Variants in USP9Y observed in about 807,000 individuals in gnomAD.
USP9Y encodes the protein ubiquitin specific peptidase 9 Y-linked.
In USP9Y, 41 loss-of-function variants were observed where a neutral mutation model predicts 53.1. The ratio of observed to expected loss-of-function variants is 0.77; its 90% CI spans 0.60 to 1.00. The LOEUF is 1.00. USP9Y is among the 50% of genes least tolerant of loss of function. The pLI, the probability that USP9Y is intolerant of heterozygous loss-of-function variation, is 0.00. For missense variants in USP9Y, 567 were observed against 535.8 expected (o/e 1.06, Z -0.58); for synonymous variants, 220 against 173.7 (o/e 1.27, Z -2.09).
At chrY:12,792,363 C>A (rs2053509310) in intron 26 of USP9Y, among the ~76,000 whole-genome samples, 1 of 34,239 alleles carries the variant, frequency 2.9e-5, no homozygotes, top group African/African-American at 1.1e-4. Flanking sequence ...GTATTATCAC[C>A]AGCCTTGTGG....
At chrY:12,772,118 G>A (rs2053486378) in intron 16 of USP9Y, among the ~76,000 whole-genome samples, 1 of 33,058 alleles carries the variant, frequency 3.0e-5, no homozygotes. Context: ...AGCTAATGCC[G>A]GCTGTATATA....
intron 24 of USP9Y, among the ~76,000 whole-genome samples, chrY:12,787,458 G>T: frequency 4.2e-4 from 14 of 33,053 alleles, no homozygotes. Context: ...TTTTATTTTG[G>T]GTATGAGTCA....
At chrY:12,745,484 T>C in intron 12 of USP9Y, among the ~76,000 whole-genome samples, 1 of 33,398 alleles carries the variant, frequency 3.0e-5, no homozygotes, top group Non-Finnish European at 7.4e-5. Flanking sequence ...AGGAAGCTTA[T>C]ATGGAAGCTG....
chrY:12,852,751 T>C, intron 42 of USP9Y, among the ~76,000 whole-genome samples: 1 of 33,630 alleles, frequency 3.0e-5, no homozygotes, highest in East Asian at 7.8e-4. Flanking sequence ...TCTGTTATTA[T>C]TTTCCTTCTA....
At chrY:12,814,955 T>C in intron 31 of USP9Y, among the ~76,000 whole-genome samples, 4 of 33,796 alleles carry the variant, frequency 1.2e-4, no homozygotes, top group Non-Finnish European at 2.9e-4. Flanking sequence ...CACCATCCCA[T>C]TGACTTTATC....
intron 33 of USP9Y, among the ~76,000 whole-genome samples, chrY:12,819,005 C>T: frequency 3.0e-5 from 1 of 33,149 alleles, no homozygotes; most frequent in African/African-American, 1.2e-4. Flanking sequence ...CATGGAGAAA[C>T]CCCATCTCTA....
At chrY:12,804,262 T>A (rs918999635) in intron 27 of USP9Y, among the ~76,000 whole-genome samples, 5 of 33,662 alleles carry the variant, frequency 1.5e-4, no homozygotes, top group Non-Finnish European at 2.9e-4. Context: ...GCCCCACTCC[T>A]TAATAGCTCA....
chrY:12,835,202 A>G, intron 34 of USP9Y, among the ~76,000 whole-genome samples: 1 of 32,404 alleles, frequency 3.1e-5, no homozygotes, highest in Non-Finnish European at 7.5e-5. Context: ...GTCACATGCC[A>G]TAACACCCAG....
At chrY:12,712,223 G>A in intron 3 of USP9Y, among the ~76,000 whole-genome samples, 1 of 33,026 alleles carries the variant, frequency 3.0e-5, no homozygotes, top group East Asian at 8.1e-4. Context: ...AGTTTTTTAT[G>A]TTTCTACTGA....
intron 17 of USP9Y, among the ~76,000 whole-genome samples, chrY:12,774,362 A>G: frequency 6.7e-5 from 2 of 29,646 alleles, no homozygotes; most frequent in Non-Finnish European, 1.6e-4. Context: ...GCTACTTGAG[A>G]GGCTGAGGCC....
chrY:12,751,290 G>A (rs2053464179), intron 12 of USP9Y, among the ~76,000 whole-genome samples: 1 of 32,935 alleles, frequency 3.0e-5, no homozygotes, highest in Non-Finnish European at 7.5e-5. Context: ...GATTACAGGC[G>A]TGAACCACCG....
At chrY:12,854,335 G>T in intron 42 of USP9Y, among the ~76,000 whole-genome samples, 1 of 33,756 alleles carries the variant, frequency 3.0e-5, no homozygotes, top group African/African-American at 1.2e-4. Context: ...GTTTTAATGG[G>T]TTCCAATTTT....
intron 27 of USP9Y, among the ~76,000 whole-genome samples, chrY:12,797,704 C>G: frequency 3.0e-5 from 1 of 33,679 alleles, no homozygotes. Flanking sequence ...AGGTTTTCTC[C>G]CACAAAGGAA....
intron 15 of USP9Y, among the ~76,000 whole-genome samples, chrY:12,761,005 A>G: frequency 2.9e-5 from 1 of 34,437 alleles, no homozygotes; most frequent in Non-Finnish European, 7.3e-5. Flanking sequence ...TCTGTGGCCC[A>G]GGCCAAAGTG....
intron 14 of USP9Y, 47 bp from the exon 15 acceptor site, chrY:12,760,437 G>A: frequency 5.1e-6 from 2 of 389,413 alleles, no homozygotes; most frequent in Non-Finnish European, 7.2e-6. Context: ...CTTAATTATA[G>A]CAATTTTCAT....
At chrY:12,845,369 AAG>A (rs2053565536) in intron 39 of USP9Y, among the ~76,000 whole-genome samples, 4 of 33,155 alleles carry the variant, frequency 1.2e-4, no homozygotes, top group Non-Finnish European at 2.2e-4. Context: ...CGGAGCAGGA[AAG>A]AGATGTTAAG....
At chrY:12,821,287 CCTTT>C (rs2053541409) in intron 33 of USP9Y, among the ~76,000 whole-genome samples, 1 of 33,759 alleles carries the variant, frequency 3.0e-5, no homozygotes, top group South Asian at 6.5e-4. Context: ...GCATATATGG[CCTTT>C]CTGTCTAGCT....
intron 27 of USP9Y, among the ~76,000 whole-genome samples, chrY:12,797,071 C>A (rs2053513627): frequency 2.9e-5 from 1 of 33,943 alleles, no homozygotes; most frequent in Non-Finnish European, 7.3e-5. Context: ...AACACCCTTA[C>A]GTTCTTGATA....
chrY:12,856,346 T>C lies in USP9Y; in HGVS notation c.7071T>C (p.His2357=). ...IEDSWQTHRI[H]NALKGIPDDR... ...ACATCTGCTTCTGTTTTAGAATTCATAATGCACTTAAAGGAATTCCAGATG... is the reference window on the plus strand; with the variant it reads ...ACATCTGCTTCTGTTTTAGAATTCACAATGCACTTAAAGGAATTCCAGATG... Residue 2357 remains histidine, a synonymous_variant, in exon 43 of 46, where the codon CAT becomes CAC. Coordinates refer to ENST00000338981, the MANE Select transcript of USP9Y (RefSeq NM_004654.4). The C allele has an allele frequency of 2.5e-6, 1 of 397,392 alleles. No individual in the cohort carries two copies. The highest frequency in any genetic ancestry group is 3.5e-6 in the Non-Finnish European group (1 of 282,546).
Sources: gnomAD v4.1 joint callset for allele counts (sites outside exome capture counted in the v4.1 genomes callset) on GRCh38, gnomAD v4.1.1 for gene constraint, MANE v1.5 for transcripts, NCBI Gene and HGNC (gene_info 2026-07-23, HGNC 2026-07-21) for gene names.